DLG2: variants seen among roughly 807,000 people sequenced by gnomAD.
DLG2 encodes the protein discs large MAGUK scaffold protein 2.
DLG2 carries 45 observed loss-of-function variants against 132.5 expected under a neutral mutation model. That is an observed-to-expected ratio of 0.34 (90% confidence interval 0.27 to 0.44). The LOEUF is 0.44. Ranked by LOEUF, DLG2 falls within the 20% of genes least tolerant of loss-of-function variation. The probability of loss-of-function intolerance (pLI) is 1.00; values close to 1 mark genes in which losing one functional copy is unlikely to be tolerated. For synonymous variants in DLG2, 424 were observed against 419.6 expected (o/e 1.01, Z -0.13); for missense variants, 1,045 against 1,196.9 (o/e 0.87, Z 1.87).
intron 6 of DLG2, among the ~76,000 whole-genome samples, chr11:84,723,896 A>T (rs1260021497): frequency 6.6e-6 from 1 of 152,192 alleles, no homozygotes; most frequent in Non-Finnish European, 1.5e-5. Flanking sequence ...AACTTTCCTC[A>T]AAATGGACTC....
Position 83,838,784 on chromosome 11 carries a change from C to CAA in DLG2, c.1566-5016_1566-5015dup, listed in dbSNP as rs56885281. ...CTGACCTCTTTCTCCTGTTCCCAGACAAAAAAAAAAAAGCTGTCATTGTAC... is the reference window on the plus strand; with the variant it reads ...CTGACCTCTTTCTCCTGTTCCCAGACAAAAAAAAAAAAAAGCTGTCATTGTAC... On this transcript the variant is annotated intron_variant, in intron 16 of 27. Coordinates refer to ENST00000376104, the MANE Select transcript of DLG2 (RefSeq NM_001142699.3). Among the ~76,000 whole-genome samples, 662 of 135,090 alleles carry CAA rather than the reference C, an allele frequency of 4.9e-3. 3 individuals carry two copies. Among genetic ancestry groups the CAA allele is most frequent in the Middle Eastern group, 0.015 (4 of 270 alleles). The allele number at this position is 135,090 out of a possible 152,430, so 88.6% of individuals were successfully genotyped here.
Position 85,120,582 on chromosome 11 carries a change from ATT to A in DLG2, c.283-8849_283-8848del. 1.3e-5 allele frequency among the ~76,000 whole-genome samples: 2 copies of A among 152,076 alleles called. 1 individual carries two copies. Among genetic ancestry groups the A allele is most frequent in the Non-Finnish European group, 2.9e-5 (2 of 67,934 alleles). ...CTTGTAATGTCCTATTTAGAACTCT[ATT>A]TAAAAACAAATAATTTATTTTATTT... On this transcript the variant is annotated intron_variant, in intron 5 of 27. Transcript: ENST00000376104.
At chr11:85,269,964 A>G (rs974011906) in intron 4 of DLG2, among the ~76,000 whole-genome samples, 4 of 152,232 alleles carry the variant, frequency 2.6e-5, no homozygotes, top group Admixed American at 1.3e-4. Context: ...CACTTAATAT[A>G]TGTAAAGCAC....
chr11:84,206,715 T>A (rs1428192202), intron 8 of DLG2, among the ~76,000 whole-genome samples: 1 of 152,058 alleles, frequency 6.6e-6, no homozygotes, highest in African/African-American at 2.4e-5. Context: ...ATGCTTCCAT[T>A]ACTTTGATTC....
chr11:84,220,894 C>T (rs2096905772), intron 8 of DLG2, among the ~76,000 whole-genome samples: 1 of 148,342 alleles, frequency 6.7e-6, no homozygotes, highest in Non-Finnish European at 1.5e-5. Flanking sequence ...GATTCTCCCA[C>T]CTTAGTCTCC....
At chr11:85,251,832 C>T (rs2076410867) in intron 4 of DLG2, among the ~76,000 whole-genome samples, 1 of 152,038 alleles carries the variant, frequency 6.6e-6, no homozygotes, top group East Asian at 1.9e-4. Context: ...TAACTTTTTA[C>T]TTTTTAAAAT....
chr11:84,405,503 G>T (rs1177815236), intron 7 of DLG2, among the ~76,000 whole-genome samples: 1 of 152,076 alleles, frequency 6.6e-6, no homozygotes, highest in African/African-American at 2.4e-5. Context: ...TATAAGTTTT[G>T]GTCCATGACT....
chr11:84,460,602 C>T (rs1049679636), intron 7 of DLG2, among the ~76,000 whole-genome samples: 9 of 150,296 alleles, frequency 6.0e-5, no homozygotes, highest in African/African-American at 2.2e-4. Context: ...GAATTACAAC[C>T]TTTTTAACAC....
chr11:83,916,837 T>A (rs1590953138), intron 15 of DLG2, among the ~76,000 whole-genome samples: 1 of 152,144 alleles, frequency 6.6e-6, no homozygotes, highest in East Asian at 1.9e-4. Flanking sequence ...TAGCTGAAAT[T>A]ACAGGCTGGT....
In DLG2 at chr11:83,833,910, C is replaced by G. The variant is rs187573030; in HGVS notation, c.1566-140G>C. 67 of 850,416 alleles carry G rather than the reference C, an allele frequency of 7.9e-5. 1 individual carries two copies. In the East Asian group the frequency reaches 1.8e-3, roughly 23 times the overall value. The allele number at this position is 850,416 out of a possible 1,614,324, so 52.7% of individuals were successfully genotyped here. On this transcript the variant is annotated intron_variant, in intron 16 of 27. Coordinates refer to ENST00000376104, the MANE Select transcript of DLG2 (RefSeq NM_001142699.3). Reference sequence around the variant, plus strand: ...TCAAACTAAGATAACATTTGCACATCAAGAAAGAGGCTAATATCAGGACAG... The same window carrying G: ...TCAAACTAAGATAACATTTGCACATGAAGAAAGAGGCTAATATCAGGACAG...
At chr11:84,841,293 T>A (rs774971906) in intron 6 of DLG2, among the ~76,000 whole-genome samples, 3 of 152,002 alleles carry the variant, frequency 2.0e-5, no homozygotes, top group African/African-American at 4.8e-5. Flanking sequence ...CTGTGCCTAT[T>A]TTGTTTCCCG....
intron 7 of DLG2, among the ~76,000 whole-genome samples, chr11:84,301,467 C>T (rs1333904506): frequency 6.6e-6 from 1 of 151,680 alleles, no homozygotes; most frequent in African/African-American, 2.4e-5. Context: ...ACCATCCTGG[C>T]TAACATGGTG....
At chr11:84,873,874 A>G (rs570473012) in intron 6 of DLG2, among the ~76,000 whole-genome samples, 38 of 152,358 alleles carry the variant, frequency 2.5e-4, no homozygotes, top group Admixed American at 2.1e-3. Flanking sequence ...GGAAACTGAA[A>G]GATGACTAAT....
At chr11:85,291,495 ATTTGG>A (rs1214623847) in intron 3 of DLG2, among the ~76,000 whole-genome samples, 1 of 151,616 alleles carries the variant, frequency 6.6e-6, no homozygotes, top group African/African-American at 2.4e-5. Flanking sequence ...GTGTTGATTC[ATTTGG>A]TTTTTGGTGA....
intron 3 of DLG2, among the ~76,000 whole-genome samples, chr11:85,577,129 G>A (rs942445568): frequency 6.6e-6 from 1 of 152,140 alleles, no homozygotes; most frequent in South Asian, 2.1e-4. Flanking sequence ...AAAGTGACAG[G>A]AAGCCAGTGA....
intron 8 of DLG2, among the ~76,000 whole-genome samples, chr11:84,181,367 T>A (rs1289396123): frequency 6.6e-6 from 1 of 150,672 alleles, no homozygotes; most frequent in Non-Finnish European, 1.5e-5. Context: ...GATATATTAA[T>A]AAAGAAAATA....
At chr11:83,895,145 C>CTTTTTTTTTTTTTTTTTTTTTT (rs11287512) in intron 15 of DLG2, among the ~76,000 whole-genome samples, 1 of 87,900 alleles carries the variant, frequency 1.1e-5, no homozygotes, top group Non-Finnish European at 2.1e-5. Context: ...GAACTACTGT[C>CTTTTTTTTTTTTTTTTTTTTTT]TTTTTTTTTT....
intron 3 of DLG2, among the ~76,000 whole-genome samples, chr11:85,296,514 T>G (rs1333260111): frequency 1.3e-5 from 2 of 151,110 alleles, no homozygotes; most frequent in African/African-American, 4.8e-5. Flanking sequence ...TTTTTCCTTC[T>G]TTTGGACATA....
rs993413253 is a variant in DLG2, at chr11:84,571,140, A to G, written c.358-36409T>C. Among the ~76,000 whole-genome samples, 3 of 152,060 alleles carry G rather than the reference A, an allele frequency of 2.0e-5. 1 individual carries two copies. The highest frequency in any genetic ancestry group is 1.5e-5 in the Non-Finnish European group (1 of 67,980). On this transcript the variant is annotated intron_variant, in intron 6 of 27. Coordinates refer to ENST00000376104, the MANE Select transcript of DLG2 (RefSeq NM_001142699.3). ...AAGAAAGGAGGTACCCTGTTTTTTCATAAATACAGAGTTTAAGCTAAGAGG... is the reference window on the plus strand; with the variant it reads ...AAGAAAGGAGGTACCCTGTTTTTTCGTAAATACAGAGTTTAAGCTAAGAGG...
Sources: gnomAD v4.1 joint callset for allele counts (sites outside exome capture counted in the v4.1 genomes callset) on GRCh38, gnomAD v4.1.1 for gene constraint, MANE v1.5 for transcripts, NCBI Gene and HGNC (gene_info 2026-07-23, HGNC 2026-07-21) for gene names.